GRM7: variants seen among roughly 807,000 people sequenced by gnomAD.
The protein encoded by GRM7 is metabotropic glutamate receptor 7.
GRM7 carries 35 observed loss-of-function variants against 84.5 expected under a neutral mutation model. That is an observed-to-expected ratio of 0.41 (90% CI 0.32 to 0.55). The LOEUF is 0.55. Among genes scored for constraint, GRM7 ranks in the 20% least tolerant of loss-of-function variants. The probability of loss-of-function intolerance (pLI) is 0.19; values close to 1 mark genes in which losing one functional copy is unlikely to be tolerated. For synonymous variants in GRM7, 487 were observed against 455.1 expected (o/e 1.07, Z -0.89); for missense variants, 1,003 against 1,194.6 (o/e 0.84, Z 2.36).
chr3:7,397,646 A>G (rs533360822), intron 4 of GRM7, among the ~76,000 whole-genome samples: 2 of 152,304 alleles, frequency 1.3e-5, no homozygotes, highest in African/African-American at 4.8e-5. Context: ...TTGCATGCCC[A>G]TATCACATCA....
intron 1 of GRM7, among the ~76,000 whole-genome samples, chr3:6,870,179 G>T (rs1695074924): frequency 6.6e-6 from 1 of 152,196 alleles, no homozygotes; most frequent in South Asian, 2.1e-4. Flanking sequence ...ATAAGGAAAA[G>T]AATGTGGAAC....
intron 5 of GRM7, among the ~76,000 whole-genome samples, chr3:7,430,523 T>C (rs1484954710): frequency 6.6e-6 from 1 of 152,240 alleles, no homozygotes; most frequent in East Asian, 1.9e-4. Flanking sequence ...GCTGTTAGAA[T>C]GTAAATGCTA....
At chr3:7,440,888 G>A (rs1187581440) in intron 5 of GRM7, among the ~76,000 whole-genome samples, 4 of 152,024 alleles carry the variant, frequency 2.6e-5, no homozygotes, top group Non-Finnish European at 5.9e-5. Context: ...TCTTTATCCA[G>A]TCTACCATTG....
chr3:7,665,592 T>C (rs918960453), intron 8 of GRM7, among the ~76,000 whole-genome samples: 2 of 152,200 alleles, frequency 1.3e-5, no homozygotes, highest in Non-Finnish European at 2.9e-5. Context: ...TACTTAGAGC[T>C]GTTTGTTTTT....
intron 2 of GRM7, among the ~76,000 whole-genome samples, chr3:7,269,550 T>C (rs77752774): frequency 6.6e-6 from 1 of 152,278 alleles, no homozygotes; most frequent in East Asian, 1.9e-4. Context: ...GTGAGAACTA[T>C]TACTCTGAAG....
At chr3:7,353,336 G>T (rs1693243712) in intron 4 of GRM7, among the ~76,000 whole-genome samples, 1 of 152,096 alleles carries the variant, frequency 6.6e-6, no homozygotes, top group Non-Finnish European at 1.5e-5. Context: ...AATATTAAGG[G>T]TGTGGGATAA....
chr3:7,315,673 T>C (rs1700557563), intron 4 of GRM7, among the ~76,000 whole-genome samples: 1 of 152,240 alleles, frequency 6.6e-6, no homozygotes, highest in Admixed American at 6.5e-5. Flanking sequence ...CATTGACCTC[T>C]GTTCTCAGGG....
intron 7 of GRM7, among the ~76,000 whole-genome samples, chr3:7,571,039 C>G (rs142720872): frequency 6.6e-6 from 1 of 152,132 alleles, no homozygotes; most frequent in Non-Finnish European, 1.5e-5. Context: ...AAGCTGGGAC[C>G]GCAGTGCACC....
intron 8 of GRM7, among the ~76,000 whole-genome samples, chr3:7,626,145 G>C (rs893452610): frequency 1.3e-5 from 2 of 152,102 alleles, no homozygotes; most frequent in Admixed American, 6.6e-5. Flanking sequence ...ACTGGTTCCT[G>C]CAGGCAGCAC....
intron 1 of GRM7, among the ~76,000 whole-genome samples, chr3:7,053,971 A>C (rs916245412): frequency 1.3e-5 from 2 of 151,200 alleles, no homozygotes; most frequent in Non-Finnish European, 3.0e-5. Context: ...AATATTGAAC[A>C]TGGTATATGG....
At chr3:7,211,987 A>G (rs1295617781) in intron 2 of GRM7, among the ~76,000 whole-genome samples, 1 of 151,330 alleles carries the variant, frequency 6.6e-6, no homozygotes, top group African/African-American at 2.4e-5. Flanking sequence ...CAGTTCCCTC[A>G]GGCGTAGCTC....
chr3:7,121,333 T>TCATC (rs71307751), intron 1 of GRM7, among the ~76,000 whole-genome samples: 2,976 of 149,550 alleles, frequency 0.02, 38 homozygotes, highest in Non-Finnish European at 0.025. Flanking sequence ...ATCCATCTAT[T>TCATC]CATCCATCCA....
At chr3:7,227,119 C>T (rs1482649545) in intron 2 of GRM7, among the ~76,000 whole-genome samples, 3 of 152,158 alleles carry the variant, frequency 2.0e-5, no homozygotes, top group Non-Finnish European at 2.9e-5. Flanking sequence ...ACCTCTCTTG[C>T]ATTATTCAGC....
At chr3:6,941,282 T>C (rs529064808) in intron 1 of GRM7, among the ~76,000 whole-genome samples, 7 of 152,344 alleles carry the variant, frequency 4.6e-5, no homozygotes, top group African/African-American at 1.7e-4. Context: ...ACTTTTAAAG[T>C]AATACCAAAA....
chr3:7,658,092 G>T (rs962505702), intron 8 of GRM7, among the ~76,000 whole-genome samples: 1 of 152,190 alleles, frequency 6.6e-6, no homozygotes, highest in African/African-American at 2.4e-5. Flanking sequence ...AAGTTTAGGT[G>T]CATCAAAAGG....
intron 4 of GRM7, among the ~76,000 whole-genome samples, chr3:7,410,809 C>A (rs989220157): frequency 1.3e-5 from 2 of 152,012 alleles, no homozygotes; most frequent in African/African-American, 2.4e-5. Context: ...AAGGTATATA[C>A]CACAACAGGA....
chr3:6,993,723 G>A (rs1160969141), intron 1 of GRM7, among the ~76,000 whole-genome samples: 1 of 152,190 alleles, frequency 6.6e-6, no homozygotes, highest in African/African-American at 2.4e-5. Flanking sequence ...TGAAAAGGAT[G>A]TTGGCAATGG....
intron 2 of GRM7, among the ~76,000 whole-genome samples, chr3:7,253,216 T>G (rs1235544578): frequency 1.3e-5 from 2 of 152,110 alleles, no homozygotes; most frequent in Admixed American, 6.6e-5. Flanking sequence ...TACATTGTCC[T>G]CAGTAGTTTA....
At chr3:7,335,375 A>G (rs925065729) in intron 4 of GRM7, among the ~76,000 whole-genome samples, 2 of 152,122 alleles carry the variant, frequency 1.3e-5, no homozygotes, top group African/African-American at 4.8e-5. Flanking sequence ...TAATAGTGAC[A>G]CAACCTATCA....
Sources: allele counts gnomAD v4.1 joint callset (sites outside exome capture counted in the v4.1 genomes callset), GRCh38; gene constraint gnomAD v4.1.1; transcripts MANE v1.5; gene names NCBI Gene and HGNC (gene_info 2026-07-23, HGNC 2026-07-21).